Variants in NUDCD3 observed in about 807,000 individuals in gnomAD.
The protein encoded by NUDCD3 is NudC domain containing 3, also known as nudC domain-containing protein 3.
In NUDCD3, 13 loss-of-function variants were observed where a neutral mutation model predicts 39.7. The ratio of observed to expected loss-of-function variants is 0.33; its 90% confidence interval spans 0.21 to 0.52. NUDCD3 has a LOEUF of 0.52. Ranked by LOEUF, NUDCD3 falls within the 20% of genes least tolerant of loss-of-function variation. The pLI is 0.96. For synonymous variants in NUDCD3, 175 were observed against 172.4 expected (o/e 1.02, Z -0.12); for missense variants, 453 against 458.1 (o/e 0.99, Z 0.10).
chr7:44,478,560 G>T (rs1437728514), intron 2 of NUDCD3, among the ~76,000 whole-genome samples: 1 of 152,096 alleles, frequency 6.6e-6, no homozygotes, highest in African/African-American at 2.4e-5. Context: ...TCTAAAAAAA[G>T]AAAAAGATAG....
In NUDCD3 at chr7:44,429,188, G is replaced by A. The variant is rs568930335; in HGVS notation, c.510-1485C>T. 2.6e-5 allele frequency among the ~76,000 whole-genome samples: 4 copies of A among 152,334 alleles called. No individual in the cohort carries two copies. In the South Asian group the frequency reaches 8.3e-4, roughly 32 times the overall value. ...CCTGAGTCCTCTGGGCTGGGCAATA[G>A]TGGCTGTTAAGAACTGAATTGGGTC... On this transcript the variant is annotated intron_variant, in intron 2 of 5. Transcript: ENST00000355451.
At chr7:44,439,179 G>C (rs1239118698) in intron 2 of NUDCD3, among the ~76,000 whole-genome samples, 1 of 152,086 alleles carries the variant, frequency 6.6e-6, no homozygotes, top group African/African-American at 2.4e-5. Context: ...GAAAAACTGG[G>C]GGCTCATAAC....
chr7:44,450,921 C>CA (rs1006144653), intron 2 of NUDCD3, among the ~76,000 whole-genome samples: 12 of 151,900 alleles, frequency 7.9e-5, no homozygotes, highest in Middle Eastern at 3.4e-3. Flanking sequence ...GATGAATAGA[C>CA]AAAAAATAAA....
rs1355346072 is a variant in NUDCD3 at position 44,379,345 on chromosome 7, T to C, written c.*6666A>G. On this transcript the variant is annotated 3_prime_UTR_variant, in exon 6 of 6. Coordinates refer to ENST00000355451, the MANE Select transcript of NUDCD3 (RefSeq NM_015332.4). ...CATGGAAAATTCTGGAGAGCAGTTA[T>C]CTTGGGACAGAGATGAGGCAGTTGG... The C allele has an allele frequency of 7.0e-5, 10 of 143,824 alleles. No individual in the cohort carries two copies. Among genetic ancestry groups the C allele is most frequent in the Admixed American group, 7.0e-4 (10 of 14,384 alleles). 8.9% of individuals were successfully genotyped at this position (143,824 alleles called of 1,614,324 possible).
chr7:44,404,096 T>C (rs142312460), intron 4 of NUDCD3, among the ~76,000 whole-genome samples: 7 of 152,326 alleles, frequency 4.6e-5, no homozygotes, highest in Admixed American at 1.3e-4. Flanking sequence ...GGACAGCCAG[T>C]TGGTCAATGA....
intron 2 of NUDCD3, among the ~76,000 whole-genome samples, chr7:44,463,656 A>G (rs139821642): frequency 0.013 from 2,012 of 152,254 alleles, 30 homozygotes; most frequent in Non-Finnish European, 0.017. Flanking sequence ...ATAAGAATCA[A>G]CCAGCAATCT....
chr7:44,394,062 A>G (rs1798573354), intron 4 of NUDCD3, among the ~76,000 whole-genome samples: 1 of 152,204 alleles, frequency 6.6e-6, no homozygotes, highest in Non-Finnish European at 1.5e-5. Context: ...CAAGTCCGAG[A>G]ATGTGTTCTA....
At chr7:44,430,628 T>G (rs1265504862) in intron 2 of NUDCD3, among the ~76,000 whole-genome samples, 1 of 148,794 alleles carries the variant, frequency 6.7e-6, no homozygotes, top group African/African-American at 2.5e-5. Flanking sequence ...GCCCCAGCAC[T>G]TGGCAGAGAT....
At position 44,422,856 on chromosome 7, in the gene NUDCD3, G is replaced by T. The variant is rs1046483396; in HGVS notation, c.642+4715C>A. On this transcript the variant is annotated intron_variant, in intron 3 of 5. Transcript: ENST00000355451. ...GACACAACAAAAAAAGAAAATTTCA[G>T]GCCAATATCCCTGATGAACGTCGAT... 2.0e-5 allele frequency among the ~76,000 whole-genome samples: 3 copies of T among 152,154 alleles called. 1 individual carries two copies. In the South Asian group the frequency reaches 6.2e-4, roughly 32 times the overall value.
In NUDCD3 at chr7:44,485,169, G is replaced by A. The variant is rs2116984868; in HGVS notation, c.308C>T (p.Ala103Val). 10 of 1,614,180 alleles carry A rather than the reference G, an allele frequency of 6.2e-6. No individual in the cohort carries two copies. The highest frequency in any genetic ancestry group is 8.5e-6 in the Non-Finnish European group (10 of 1,180,018). The change falls in exon 2 of 6, where the codon GCA (alanine) becomes GTA (valine). Residue 103 changes from alanine to valine, a missense_variant. Physicochemically the swap from Ala to Val is moderately conservative, Grantham distance 64. Transcript: ENST00000355451. Reference sequence around the variant, plus strand: ...AACTGGGACTGGCTCCTTCTCAGCTGCAGCAGCTGACACAGTCTTGGCCTC... The same window carrying A: ...AACTGGGACTGGCTCCTTCTCAGCTACAGCAGCTGACACAGTCTTGGCCTC... ...EEEAKTVSAA[A>V]AEKEPVPVPV...
chr7:44,450,979 A>C (rs1305690197), intron 2 of NUDCD3, among the ~76,000 whole-genome samples: 1 of 152,240 alleles, frequency 6.6e-6, no homozygotes, highest in African/African-American at 2.4e-5. Flanking sequence ...CCTAAAAATA[A>C]TTATCCTGAA....
Position 44,385,810 on chromosome 7 carries a change from C to T in NUDCD3, c.*201G>A. ...ACTCAGTGTCAGCCACAGCGGCCAC[C>T]ACATAGCAGCTGGCCCCGCACCTTC... On this transcript the variant is annotated 3_prime_UTR_variant, in exon 6 of 6. Transcript: ENST00000355451. The T allele has an allele frequency of 1.7e-6, 1 of 574,554 alleles. No individual in the cohort carries two copies. 35.6% of individuals were successfully genotyped at this position (574,554 alleles called of 1,614,324 possible). A position where few individuals can be genotyped will look rare whatever the true frequency, so the allele number is the denominator to read the frequency against.
intron 2 of NUDCD3, among the ~76,000 whole-genome samples, chr7:44,469,177 G>A (rs963731510): frequency 6.8e-6 from 1 of 146,408 alleles, no homozygotes; most frequent in Admixed American, 6.8e-5. Flanking sequence ...AGCAGGTAAG[G>A]AAGACCCCTT....
intron 2 of NUDCD3, among the ~76,000 whole-genome samples, chr7:44,440,496 GAAA>G (rs72065068): frequency 6.2e-5 from 3 of 48,384 alleles, no homozygotes; most frequent in African/African-American, 1.5e-4. Context: ...CAGAAAAATT[GAAA>G]AAAAAAAAAA....
At chr7:44,480,328 G>C (rs910200663) in intron 2 of NUDCD3, among the ~76,000 whole-genome samples, 2 of 152,044 alleles carry the variant, frequency 1.3e-5, no homozygotes, top group Non-Finnish European at 2.9e-5. Flanking sequence ...AGAAAAATTA[G>C]AAAATATAGT....
chr7:44,464,072 G>A (rs181102913), intron 2 of NUDCD3, among the ~76,000 whole-genome samples: 2 of 152,010 alleles, frequency 1.3e-5, no homozygotes, highest in Admixed American at 1.3e-4. Context: ...AAATTAGCCA[G>A]GCGTGGTGGT....
Position 44,392,504 on chromosome 7 carries a change from G to A in NUDCD3, c.787-19C>T. 6.2e-7 allele frequency: 1 copy of A among 1,611,228 alleles called. No homozygotes were observed. Among genetic ancestry groups the A allele is most frequent in the Non-Finnish European group, 8.5e-7 (1 of 1,178,022 alleles). The stretch of plus-strand genomic sequence containing the variant: ...GGTTCACCTGGGGACAAGCAGGACA[G>A]AGACCTGAGTCAGAGACCTGAGACA... On this transcript the variant is annotated intron_variant, in intron 4 of 5. Transcript: ENST00000355451.
intron 2 of NUDCD3, chr7:44,468,349 C>CAAAAAAATAAAAAAAAAAA (rs1800173932): frequency 2.9e-6 from 1 of 341,532 alleles, no homozygotes; most frequent in Non-Finnish European, 4.6e-6. Context: ...GTAAAAACTG[C>CAAAAAAATAAAAAAAAAAA]AAAAAAAAAA....
chr7:44,418,623 G>A (rs1271020833), intron 3 of NUDCD3, among the ~76,000 whole-genome samples: 1 of 152,204 alleles, frequency 6.6e-6, no homozygotes, highest in African/African-American at 2.4e-5. Flanking sequence ...GAATGATATG[G>A]GGGGATCTGG....
Sources: gnomAD v4.1 joint callset for allele counts (sites outside exome capture counted in the v4.1 genomes callset) on GRCh38, gnomAD v4.1.1 for gene constraint, MANE v1.5 for transcripts, NCBI Gene and HGNC (gene_info 2026-07-23, HGNC 2026-07-21) for gene names.